The following USP12 variants were observed in gnomAD, a reference collection of about 807,000 sequenced individuals.
USP12 encodes the protein ubiquitin carboxyl-terminal hydrolase 12.
Under a neutral mutation model 45.5 loss-of-function variants are expected in USP12, and 19 were observed. The observed-to-expected ratio is 0.42, with a 90% CI of 0.29 to 0.61. The LOEUF (loss-of-function observed/expected upper bound fraction) is 0.61. USP12 is among the 20% of genes least tolerant of loss of function. The pLI is 0.22. For missense variants in USP12, 242 were observed against 447.7 expected, an observed-to-expected ratio of 0.54 and a Z score of 4.15; for synonymous variants, 149 against 148.8, an observed-to-expected ratio of 1.00 and a Z score of -0.01.
At chr13:27,149,751 G>A (rs1199473008) in intron 1 of USP12, among the ~76,000 whole-genome samples, 3 of 152,202 alleles carry the variant, frequency 2.0e-5, no homozygotes, top group Admixed American at 1.3e-4. Flanking sequence ...CAGTTTTGTG[G>A]AAGACAATTT....
chr13:27,107,216 T>G (rs796397655), intron 2 of USP12, among the ~76,000 whole-genome samples: 21 of 152,170 alleles, frequency 1.4e-4, no homozygotes, highest in African/African-American at 4.3e-4. Flanking sequence ...TTCCAACTAC[T>G]CAGGAGGCTG....
chr13:27,073,927 C>A (rs1303050266), intron 7 of USP12, among the ~76,000 whole-genome samples: 1 of 152,102 alleles, frequency 6.6e-6, no homozygotes, highest in Admixed American at 6.5e-5. Flanking sequence ...AATCACTACA[C>A]CAAGGTTCTT....
intron 1 of USP12, among the ~76,000 whole-genome samples, chr13:27,125,838 G>A (rs1233662559): frequency 1.3e-5 from 2 of 152,232 alleles, no homozygotes; most frequent in East Asian, 1.9e-4. Context: ...CACGCCCAGG[G>A]AGCCTTGCTC....
chr13:27,125,548 G>A (rs764001568), intron 1 of USP12, among the ~76,000 whole-genome samples: 5 of 152,198 alleles, frequency 3.3e-5, no homozygotes, highest in Non-Finnish European at 7.3e-5. Flanking sequence ...CGATGCAGAA[G>A]GCGGGTGATT....
chr13:27,150,470 A>G (rs570730135), intron 1 of USP12, among the ~76,000 whole-genome samples: 1 of 152,328 alleles, frequency 6.6e-6, no homozygotes, highest in South Asian at 2.1e-4. Flanking sequence ...AAAACATACC[A>G]TGTTCACAGA....
At chr13:27,155,452 C>T (rs1187190794) in intron 1 of USP12, among the ~76,000 whole-genome samples, 1 of 151,926 alleles carries the variant, frequency 6.6e-6, no homozygotes, top group Non-Finnish European at 1.5e-5. Flanking sequence ...TGTTACAGCC[C>T]CATTGGAAAC....
At chr13:27,117,944 G>A (rs1232279267) in intron 1 of USP12, 4 of 371,744 alleles carry the variant, frequency 1.1e-5, no homozygotes, top group South Asian at 2.1e-5. Flanking sequence ...GTTTGAAAGG[G>A]AAATAAAAGC....
At chr13:27,078,585 T>C (rs1873600930) in intron 6 of USP12, among the ~76,000 whole-genome samples, 2 of 151,670 alleles carry the variant, frequency 1.3e-5, no homozygotes, top group Non-Finnish European at 2.9e-5. Context: ...ACATACCATG[T>C]AAACACTAAT....
At chr13:27,140,938 T>A in intron 1 of USP12, among the ~76,000 whole-genome samples, 1 of 151,258 alleles carries the variant, frequency 6.6e-6, no homozygotes, top group Admixed American at 6.6e-5. Context: ...GCTATTCCAA[T>A]TAAAAAGATA....
intron 1 of USP12, among the ~76,000 whole-genome samples, chr13:27,158,933 T>C (rs1215531349): frequency 6.6e-6 from 1 of 152,146 alleles, no homozygotes; most frequent in Non-Finnish European, 1.5e-5. Context: ...GTTTTAAATT[T>C]TGGGGGGAGT....
At chr13:27,171,545 G>C (rs1878620368) in intron 1 of USP12, 47 bp downstream of exon 1, 1 of 1,135,356 alleles carries the variant, frequency 8.8e-7, no homozygotes, top group Non-Finnish European at 1.1e-6. Flanking sequence ...CCGCCCGCCC[G>C]CCCGAGAGGT....
chr13:27,161,453 GAA>G (rs1312812770), intron 1 of USP12, among the ~76,000 whole-genome samples: 13 of 151,978 alleles, frequency 8.6e-5, no homozygotes, highest in Admixed American at 7.2e-4. Context: ...CTCTAATTTT[GAA>G]AGTCTCTTTT....
intron 6 of USP12, among the ~76,000 whole-genome samples, chr13:27,086,187 AAAAAAAAAAAAT>A (rs1472149806): frequency 0.011 from 788 of 72,882 alleles, 20 homozygotes; most frequent in African/African-American, 0.031. Context: ...AAAAAAAAAA[AAAAAAAAAAAAT>A]ATATATATAT....
intron 4 of USP12, 91 bp from the exon 5 acceptor site, chr13:27,090,249 C>G (rs1285467488): frequency 9.8e-7 from 1 of 1,017,952 alleles, no homozygotes; most frequent in Non-Finnish European, 1.4e-6. Context: ...CTATTATTAT[C>G]AGTAAGTAAA....
intron 1 of USP12, among the ~76,000 whole-genome samples, chr13:27,135,860 A>G (rs1876778656): frequency 6.6e-6 from 1 of 152,154 alleles, no homozygotes; most frequent in South Asian, 2.1e-4. Flanking sequence ...GAAGGAAAAC[A>G]TGCTTTTCTT....
At chr13:27,072,322 G>C (rs1326824908) in intron 7 of USP12, among the ~76,000 whole-genome samples, 1 of 152,050 alleles carries the variant, frequency 6.6e-6, no homozygotes, top group African/African-American at 2.4e-5. Flanking sequence ...AGGTGGGTGG[G>C]GTAAGGACTG....
intron 1 of USP12, among the ~76,000 whole-genome samples, chr13:27,135,782 T>C (rs1330702791): frequency 6.6e-6 from 1 of 152,154 alleles, no homozygotes; most frequent in African/African-American, 2.4e-5. Flanking sequence ...CTATTATACA[T>C]ATGGGTATAT....
intron 2 of USP12, among the ~76,000 whole-genome samples, chr13:27,109,008 T>A (rs1417892848): frequency 6.6e-6 from 1 of 152,188 alleles, no homozygotes; most frequent in Non-Finnish European, 1.5e-5. Context: ...AAAGCAGCCC[T>A]CTTTAGTCTC....
At chr13:27,078,954 C>T (rs1057249723) in intron 6 of USP12, among the ~76,000 whole-genome samples, 3 of 150,882 alleles carry the variant, frequency 2.0e-5, no homozygotes, top group Admixed American at 6.6e-5. Flanking sequence ...AAAGAAGTCT[C>T]GATAAATTTC....
Sources: allele counts gnomAD v4.1 joint callset (sites outside exome capture counted in the v4.1 genomes callset), GRCh38; gene constraint gnomAD v4.1.1; transcripts MANE v1.5; gene names NCBI Gene and HGNC (gene_info 2026-07-23, HGNC 2026-07-21).